FAT3: variants seen among roughly 807,000 people sequenced by gnomAD.
FAT3 encodes protocadherin Fat 3.
In FAT3, 95 loss-of-function variants were observed where a neutral mutation model predicts 310.2. The ratio of observed to expected loss-of-function variants is 0.31; its 90% CI spans 0.26 to 0.36. The LOEUF (loss-of-function observed/expected upper bound fraction) is 0.36. Among genes scored for constraint, FAT3 ranks in the 10% least tolerant of loss-of-function variants. The pLI, the probability that FAT3 is intolerant of heterozygous loss-of-function variation, is 1.00. For synonymous variants in FAT3, 2,314 were observed against 2,192.9 expected (o/e 1.06, Z -1.54); for missense variants, 5,408 against 5,715.6 (o/e 0.95, Z 1.74).
intron 1 of FAT3, among the ~76,000 whole-genome samples, chr11:92,351,606 T>C (rs757155230): frequency 2.6e-5 from 4 of 152,206 alleles, no homozygotes; most frequent in Non-Finnish European, 5.9e-5. Context: ...CATAATATTT[T>C]ATTTTATGAA....
chr11:92,644,663 C>A (rs760960269), intron 3 of FAT3, among the ~76,000 whole-genome samples: 1 of 152,178 alleles, frequency 6.6e-6, no homozygotes, highest in South Asian at 2.1e-4. Context: ...TACCACGTGA[C>A]TTGACTGTCC....
At chr11:92,437,015 A>G (rs867397296) in intron 2 of FAT3, among the ~76,000 whole-genome samples, 36 of 152,346 alleles carry the variant, frequency 2.4e-4, no homozygotes, top group African/African-American at 8.4e-4. Flanking sequence ...TTATGCTGGC[A>G]TTCTCATCAA....
chr11:92,608,149 A>G (rs976639808), intron 3 of FAT3, among the ~76,000 whole-genome samples: 1 of 152,224 alleles, frequency 6.6e-6, no homozygotes, highest in Non-Finnish European at 1.5e-5. Flanking sequence ...CAAGTTTCAC[A>G]TGTATCTGAA....
intron 2 of FAT3, among the ~76,000 whole-genome samples, chr11:92,381,249 C>T (rs928740895): frequency 1.3e-5 from 2 of 152,160 alleles, no homozygotes; most frequent in African/African-American, 4.8e-5. Context: ...GTGGCTCACG[C>T]CTGTAATCCC....
chr11:92,355,163 G>T lies in FAT3; in HGVS notation c.3051G>T (p.Arg1017=), dbSNP rs745533159. The T allele has an allele frequency of 3.1e-6, 5 of 1,613,650 alleles. No individual in the cohort carries two copies. The African/African-American group carries it at 6.7e-5, about 22-fold the overall frequency. ...NLTVRAKDKG[R]PVSLSSVSFV... is the part of the protein sequence containing the mutation. ...CTGTGCGGGCCAAAGACAAAGGGCG[G>T]CCTGTCTCTCTGTCATCTGTTTCCT... Residue 1017 remains arginine (R), a synonymous_variant, in exon 2 of 28, where the codon CGG becomes CGT. Coordinates refer to ENST00000525166, the MANE Select transcript of FAT3 (RefSeq NM_001367949.2).
chr11:92,333,665 G>C (rs1035240005), intron 1 of FAT3, among the ~76,000 whole-genome samples: 1 of 151,968 alleles, frequency 6.6e-6, no homozygotes, highest in Non-Finnish European at 1.5e-5. Context: ...TTTTTTATAA[G>C]CTCTAATTAT....
At chr11:92,447,582 G>A (rs1591303770) in intron 2 of FAT3, among the ~76,000 whole-genome samples, 1 of 152,042 alleles carries the variant, frequency 6.6e-6, no homozygotes, top group Non-Finnish European at 1.5e-5. Flanking sequence ...ACAAAGTAAG[G>A]TAACACCTGT....
At chr11:92,399,850 T>C (rs964470102) in intron 2 of FAT3, among the ~76,000 whole-genome samples, 2 of 152,174 alleles carry the variant, frequency 1.3e-5, no homozygotes, top group African/African-American at 2.4e-5. Context: ...AGCACTAATA[T>C]CCGTGTATTC....
chr11:92,324,455 C>A (rs181015432), intron 1 of FAT3, among the ~76,000 whole-genome samples: 14 of 151,954 alleles, frequency 9.2e-5, no homozygotes, highest in Non-Finnish European at 1.3e-4. Flanking sequence ...TAGGGAGGCC[C>A]GAGGAGAGGG....
At chr11:92,472,624 A>G (rs1407865668) in intron 2 of FAT3, among the ~76,000 whole-genome samples, 5 of 152,246 alleles carry the variant, frequency 3.3e-5, no homozygotes, top group African/African-American at 1.2e-4. Flanking sequence ...TGTATATAGC[A>G]TACAGTACCA....
intron 3 of FAT3, among the ~76,000 whole-genome samples, chr11:92,564,162 C>T (rs10830926): frequency 0.38 from 57,496 of 151,984 alleles, 11,829 homozygotes; most frequent in Middle Eastern, 0.53. Context: ...CAGAGACACA[C>T]ATAGGCTCAA....
chr11:92,765,149 G>GAA (rs140929549), intron 6 of FAT3, 60 bp downstream of exon 6: 11,883 of 978,298 alleles, frequency 0.012, no homozygotes, highest in Non-Finnish European at 0.014. Flanking sequence ...AAGCAACTAG[G>GAA]AAAAAAAAAA....
intron 3 of FAT3, among the ~76,000 whole-genome samples, chr11:92,582,036 A>AGGG (rs1156545408): frequency 6.6e-6 from 1 of 152,066 alleles, no homozygotes; most frequent in Non-Finnish European, 1.5e-5. Flanking sequence ...ATGCTAAACA[A>AGGG]GGGGTGGATT....
intron 2 of FAT3, among the ~76,000 whole-genome samples, chr11:92,479,232 A>C (rs1384376915): frequency 6.8e-6 from 1 of 148,028 alleles, no homozygotes; most frequent in Non-Finnish European, 1.5e-5. Flanking sequence ...GCTGGTCTCG[A>C]ACTCCTGGGC....
chr11:92,731,872 G>A (rs1252129496), intron 4 of FAT3, among the ~76,000 whole-genome samples: 3 of 152,018 alleles, frequency 2.0e-5, no homozygotes, highest in African/African-American at 7.2e-5. Flanking sequence ...AAATTATATT[G>A]TGTCATAATG....
intron 3 of FAT3, among the ~76,000 whole-genome samples, chr11:92,564,451 C>A (rs1477406558): frequency 6.6e-6 from 1 of 150,554 alleles, no homozygotes; most frequent in Admixed American, 6.6e-5. Flanking sequence ...GACTTTAACA[C>A]CCCACTGTCA....
chr11:92,466,942 A>T (rs1319912755), intron 2 of FAT3, among the ~76,000 whole-genome samples: 2 of 151,828 alleles, frequency 1.3e-5, no homozygotes, highest in Non-Finnish European at 2.9e-5. Context: ...ATAGTATTCC[A>T]TGGTGTATAT....
chr11:92,442,203 T>C (rs2135081416), intron 2 of FAT3, among the ~76,000 whole-genome samples: 1 of 141,442 alleles, frequency 7.1e-6, no homozygotes, highest in East Asian at 2.3e-4. Context: ...AAGCTCTGCC[T>C]TCTGGGTTCA....
intron 2 of FAT3, among the ~76,000 whole-genome samples, chr11:92,383,807 A>G (rs1173222902): frequency 6.6e-6 from 1 of 152,226 alleles, no homozygotes; most frequent in Non-Finnish European, 1.5e-5. Flanking sequence ...CAGTTCAGCA[A>G]ACACATTTCA....
Sources: gnomAD v4.1 joint callset for allele counts (sites outside exome capture counted in the v4.1 genomes callset) on GRCh38, gnomAD v4.1.1 for gene constraint, MANE v1.5 for transcripts, NCBI Gene and HGNC (gene_info 2026-07-23, HGNC 2026-07-21) for gene names.